Variants in CACNA2D2 observed in about 807,000 individuals in gnomAD.
The protein encoded by CACNA2D2 is voltage-dependent calcium channel subunit alpha-2/delta-2.
A neutral mutation model predicts 166.4 loss-of-function variants in CACNA2D2; 48 were observed. That is an observed-to-expected ratio of 0.29 (90% CI 0.23 to 0.37). CACNA2D2 has a LOEUF of 0.37. CACNA2D2 is among the 10% of genes least tolerant of loss of function. The pLI is 1.00. For synonymous variants in CACNA2D2, 561 were observed against 573.7 expected, an observed-to-expected ratio of 0.98 and a Z score of 0.32; for missense variants, 1,122 against 1,433.0, an observed-to-expected ratio of 0.78 and a Z score of 3.50.
chr3:50,484,497 C>T (rs1698192354), intron 1 of CACNA2D2, among the ~76,000 whole-genome samples: 1 of 152,196 alleles, frequency 6.6e-6, no homozygotes, highest in Non-Finnish European at 1.5e-5. Flanking sequence ...CTCGGTGTGG[C>T]CTGAACATGC....
rs1402416151 is a variant in CACNA2D2, at chr3:50,380,363, G to A, written c.843-345C>T. On this transcript the variant is annotated intron_variant, in intron 8 of 37. Transcript: ENST00000424201. This position sits in a 1 kb window ranked among gnomAD's most constrained non-coding sequence, Gnocchi z 4.9. The stretch of plus-strand genomic sequence containing the variant: ...TCTAGCTGTGTATGGGATGGTGCAG[G>A]TGGCAGGGAAGGAGAGTCACAGGGA... 1.3e-5 allele frequency among the ~76,000 whole-genome samples: 2 copies of A among 152,230 alleles called. No homozygotes were observed. Among genetic ancestry groups the A allele is most frequent in the Non-Finnish European group, 2.9e-5 (2 of 68,038 alleles).
At chr3:50,392,449 G>T (rs1705931420) in intron 4 of CACNA2D2, among the ~76,000 whole-genome samples, 1 of 152,200 alleles carries the variant, frequency 6.6e-6, no homozygotes, top group South Asian at 2.1e-4. Context: ...CAGGCCGGCA[G>T]GCACCCGGTG....
intron 3 of CACNA2D2, among the ~76,000 whole-genome samples, chr3:50,399,419 G>A (rs1413077495): frequency 6.6e-6 from 1 of 152,222 alleles, no homozygotes; most frequent in Admixed American, 6.5e-5. Context: ...GGTGCAGGAT[G>A]TTGAGATCTA....
rs587664774 is a variant in CACNA2D2 at position 50,377,643 on chromosome 3, C to T, written c.1551+89G>A. 3.9e-5 allele frequency: 61 copies of T among 1,554,464 alleles called. No homozygotes were observed. The African/African-American group carries it at 6.5e-4, about 17-fold the overall frequency. ...CTCTCACAGGCAGTGTGCAGGCCTGCCCTGCCCCTCTTCCACCCTCAGACC... is the reference window on the plus strand; with the variant it reads ...CTCTCACAGGCAGTGTGCAGGCCTGTCCTGCCCCTCTTCCACCCTCAGACC... On this transcript the variant is annotated intron_variant, in intron 16 of 37. Transcript: ENST00000424201.
rs1351634316 is a variant in CACNA2D2 at position 50,365,509 on chromosome 3, C to T, written c.2972-27G>A. ...TGCGAGGGCCCAGAGCGCCTCAGCT[C>T]CGCCCACAGACCCTGGCAAGGTCTC... On this transcript the variant is annotated intron_variant, in intron 34 of 37. Coordinates refer to ENST00000424201, the MANE Select transcript of CACNA2D2 (RefSeq NM_006030.4). This position sits in a 1 kb window ranked among gnomAD's most constrained non-coding sequence, Gnocchi z 4.5. 3.1e-6 allele frequency: 5 copies of T among 1,609,952 alleles called. No individual in the cohort carries two copies. The African/African-American group carries it at 6.7e-5, about 22-fold the overall frequency.
At chr3:50,412,731 C>G (rs1340964779) in intron 3 of CACNA2D2, among the ~76,000 whole-genome samples, 1 of 152,144 alleles carries the variant, frequency 6.6e-6, no homozygotes, top group African/African-American at 2.4e-5. Flanking sequence ...AATATGGGAT[C>G]AATTTTTGAT....
intron 5 of CACNA2D2, among the ~76,000 whole-genome samples, chr3:50,385,866 G>A (rs1392648291): frequency 6.6e-6 from 1 of 152,220 alleles, no homozygotes; most frequent in Non-Finnish European, 1.5e-5. Flanking sequence ...GGCAGATGAA[G>A]GGCACTAGAA....
At chr3:50,444,597 T>C (rs1208679200) in intron 2 of CACNA2D2, among the ~76,000 whole-genome samples, 1 of 152,210 alleles carries the variant, frequency 6.6e-6, no homozygotes, top group Non-Finnish European at 1.5e-5. Flanking sequence ...AGGGACCAAC[T>C]TTCCCGGCCT....
At chr3:50,431,062 T>A (rs1708039969) in intron 3 of CACNA2D2, among the ~76,000 whole-genome samples, 1 of 152,134 alleles carries the variant, frequency 6.6e-6, no homozygotes, top group Admixed American at 6.5e-5. Context: ...CTCAGCTCCC[T>A]CTTTGCAAGC....
At chr3:50,446,434 C>A (rs543649788) in intron 2 of CACNA2D2, among the ~76,000 whole-genome samples, 2 of 152,236 alleles carry the variant, frequency 1.3e-5, no homozygotes, top group Non-Finnish European at 1.5e-5. Flanking sequence ...TGCATGAACA[C>A]AGACCCTGTT....
chr3:50,438,449 CCTT>C (rs1708445195), intron 2 of CACNA2D2, among the ~76,000 whole-genome samples: 1 of 152,218 alleles, frequency 6.6e-6, no homozygotes, highest in South Asian at 2.1e-4. Context: ...GCTGATGCCT[CCTT>C]AGAAGCCCCG....
intron 2 of CACNA2D2, among the ~76,000 whole-genome samples, chr3:50,435,640 G>A (rs537489754): frequency 4.9e-4 from 74 of 151,180 alleles, no homozygotes; most frequent in African/African-American, 1.5e-3. Flanking sequence ...ATCTGACAGG[G>A]GGATGGGGTG....
At position 50,365,653 on chromosome 3, in the gene CACNA2D2, T is replaced by C. The variant is rs775681416; in HGVS notation, c.2951A>G (p.Tyr984Cys). The change falls in exon 34 of 38, where the codon TAC becomes TGC. Residue 984 changes from tyrosine to cysteine, a missense_variant. Tyr to Cys is a radical substitution (Grantham distance 194). Around this residue, in one of 2 missense-constraint regions of CACNA2D2, gnomAD observed 282 missense variants for 266.2 expected, o/e 1.06. Coordinates refer to ENST00000424201, the MANE Select transcript of CACNA2D2 (RefSeq NM_006030.4). The surrounding 1 kb of genome is among the most constrained non-coding windows in gnomAD (Gnocchi z 4.5). ...CCTACCTGCTTGGAACCAGCTGTGGTAGATGAGGCCGTAGAGAAGCTGCTG... is the reference window on the plus strand; with the variant it reads ...CCTACCTGCTTGGAACCAGCTGTGGCAGATGAGGCCGTAGAGAAGCTGCTG... Reference protein sequence around the residue: ...LFQQLLYGLIYHSWFQADPAE... With the variant: ...LFQQLLYGLICHSWFQADPAE... 1.1e-5 allele frequency: 17 copies of C among 1,581,398 alleles called. 1 individual carries two copies. The South Asian group carries it at 1.6e-4, about 15-fold the overall frequency.
intron 3 of CACNA2D2, among the ~76,000 whole-genome samples, chr3:50,421,761 C>A (rs982180817): frequency 6.6e-5 from 10 of 152,244 alleles, no homozygotes; most frequent in Non-Finnish European, 1.5e-4. Context: ...AAGCTTCAAG[C>A]CCCTCAGAAC....
chr3:50,487,932 T>G (rs968407954), intron 1 of CACNA2D2, among the ~76,000 whole-genome samples: 1 of 152,118 alleles, frequency 6.6e-6, no homozygotes, highest in African/African-American at 2.4e-5. Context: ...GCAGGGCAGA[T>G]GCAGGCCTGT....
chr3:50,397,722 G>C (rs1706229933), intron 3 of CACNA2D2, among the ~76,000 whole-genome samples: 1 of 152,208 alleles, frequency 6.6e-6, no homozygotes, highest in African/African-American at 2.4e-5. Flanking sequence ...CTCTTGCCCA[G>C]CTCTGGGCCC....
Position 50,375,788 on chromosome 3 carries a change from C to A in CACNA2D2, c.1845+21G>T. On this transcript the variant is annotated intron_variant, in intron 20 of 37. Coordinates refer to ENST00000424201, the MANE Select transcript of CACNA2D2 (RefSeq NM_006030.4). The surrounding 1 kb of genome is among the most constrained non-coding windows in gnomAD (Gnocchi z 4.0). The stretch of plus-strand genomic sequence containing the variant: ...AAGGGTGCCCACCCTGACTCCCTGG[C>A]CCCCAGCCCTGCCTCCTTACCTCAT... The A allele has an allele frequency of 1.2e-6, 2 of 1,612,898 alleles. No homozygotes were observed. Among genetic ancestry groups the A allele is most frequent in the Non-Finnish European group, 8.5e-7 (1 of 1,179,922 alleles).
Position 50,365,645 on chromosome 3 carries a change from A to C in CACNA2D2, c.2959T>G (p.Trp987Gly). 1.3e-6 allele frequency: 2 copies of C among 1,580,000 alleles called. No individual in the cohort carries two copies. Among genetic ancestry groups the C allele is most frequent in the Non-Finnish European group, 8.6e-7 (1 of 1,163,070 alleles). ...QLLYGLIYHS[W>G]FQADPAEAEG... The stretch of plus-strand genomic sequence containing the variant: ...AAGCCCTACCTACCTGCTTGGAACC[A>C]GCTGTGGTAGATGAGGCCGTAGAGA... The change falls in exon 34 of 38, where the codon TGG becomes GGG. Residue 987 changes from tryptophan (W) to glycine (G), a missense_variant. Trp to Gly is a radical substitution (Grantham distance 184, BLOSUM62 -2). Transcript: ENST00000424201. The surrounding 1 kb of genome is among the most constrained non-coding windows in gnomAD (Gnocchi z 4.5).
chr3:50,374,601 CG>C, intron 22 of CACNA2D2, 135 bp downstream of exon 22: 1 of 863,016 alleles, frequency 1.2e-6, no homozygotes, highest in Non-Finnish European at 1.8e-6. Context: ...CCCCAGCCTG[CG>C]GGCACCTGAG....
Sources: allele counts gnomAD v4.1 joint callset (sites outside exome capture counted in the v4.1 genomes callset), GRCh38; gene constraint gnomAD v4.1.1; regional missense constraint gnomAD v4.1.1; non-coding constraint Gnocchi (gnomAD v3.1); transcripts MANE v1.5; gene names NCBI Gene and HGNC (gene_info 2026-07-23, HGNC 2026-07-21).